The following CCBE1 variants were observed in gnomAD, a reference collection of about 807,000 sequenced individuals.
CCBE1 encodes collagen and calcium-binding EGF domain-containing protein 1.
Under a neutral mutation model 50.0 loss-of-function variants are expected in CCBE1, and 37 were observed. The ratio of observed to expected loss-of-function variants is 0.74; its 90% CI spans 0.57 to 0.97. CCBE1 has a LOEUF of 0.97. Ranked by LOEUF, CCBE1 falls within the 50% of genes least tolerant of loss-of-function variation. CCBE1 has a pLI of 0.00. For synonymous variants in CCBE1, 234 were observed against 203.7 expected (o/e 1.15, Z -1.27); for missense variants, 538 against 523.8 (o/e 1.03, Z -0.26).
intron 2 of CCBE1, among the ~76,000 whole-genome samples, chr18:59,571,628 AAAAC>A (rs1343083201): frequency 6.6e-6 from 1 of 152,222 alleles, no homozygotes; most frequent in African/African-American, 2.4e-5. Context: ...GTATCATTAA[AAAAC>A]AAAATCTATC....
intron 2 of CCBE1, among the ~76,000 whole-genome samples, chr18:59,527,641 T>G (rs1914880064): frequency 6.6e-6 from 1 of 152,342 alleles, no homozygotes; most frequent in East Asian, 1.9e-4. Context: ...TTTCCATATT[T>G]AATGCATCCT....
intron 2 of CCBE1, among the ~76,000 whole-genome samples, chr18:59,565,418 G>A (rs553512988): frequency 2.0e-5 from 3 of 152,292 alleles, no homozygotes; most frequent in South Asian, 2.1e-4. Flanking sequence ...GATGTGGTAC[G>A]AGGTAGACAA....
chr18:59,638,320 T>C (rs1032406731), intron 2 of CCBE1, among the ~76,000 whole-genome samples: 8 of 152,308 alleles, frequency 5.3e-5, no homozygotes, highest in South Asian at 2.1e-4. Flanking sequence ...TATGGTGAAA[T>C]GTCTAAAGCG....
intron 2 of CCBE1, among the ~76,000 whole-genome samples, chr18:59,517,900 A>G (rs77593386): frequency 0.017 from 2,532 of 152,288 alleles, 90 homozygotes; most frequent in African/African-American, 0.058. Flanking sequence ...CCAAGATCAA[A>G]AGAGGGATCT....
intron 1 of CCBE1, 56 bp from the exon 2 acceptor site, chr18:59,696,765 AGC>A: frequency 1.9e-6 from 3 of 1,580,288 alleles, no homozygotes; most frequent in Non-Finnish European, 2.6e-6. Flanking sequence ...GGAGGCGGGC[AGC>A]GCGCGCTGGG....
At chr18:59,690,946 T>A (rs1174577874) in intron 2 of CCBE1, among the ~76,000 whole-genome samples, 1 of 152,220 alleles carries the variant, frequency 6.6e-6, no homozygotes, top group Admixed American at 6.5e-5. Flanking sequence ...GCTGCCAGAA[T>A]CTAGCACCTG....
chr18:59,693,864 C>CTTTTTTTTTTTTTTTTTT lies in CCBE1; in HGVS notation c.212+2747_212+2764dup, dbSNP rs11410421. Reference sequence around the variant, plus strand: ...AGAATATTTCTTGTTAAAGGAAAGCCTTTTTTTTTTTTTTTTTTTTTTTTT... The same window carrying CTTTTTTTTTTTTTTTTTT: ...AGAATATTTCTTGTTAAAGGAAAGCCTTTTTTTTTTTTTTTTTTTTTTTTTTTTTTTTTTTTTTTTTTT... On this transcript the variant is annotated intron_variant, in intron 2 of 10. Coordinates refer to ENST00000439986, the MANE Select transcript of CCBE1 (RefSeq NM_133459.4). Among the ~76,000 whole-genome samples the CTTTTTTTTTTTTTTTTTT allele has an allele frequency of 1.7e-4, 12 of 70,734 alleles. 3 individuals are homozygous for CTTTTTTTTTTTTTTTTTT. The highest frequency in any genetic ancestry group is 5.6e-4 in the African/African-American group (9 of 15,996). The allele number at this position is 70,734 out of a possible 152,430, so 46.4% of individuals were successfully genotyped here. A position where few individuals can be genotyped will look rare whatever the true frequency, so the allele number is the denominator to read the frequency against.
At chr18:59,668,159 T>C (rs553554744) in intron 2 of CCBE1, among the ~76,000 whole-genome samples, 21 of 152,132 alleles carry the variant, frequency 1.4e-4, no homozygotes, top group African/African-American at 4.3e-4. Context: ...GTGGCTCATG[T>C]CTGTAATCCC....
At position 59,680,364 on chromosome 18, in the gene CCBE1, G is replaced by A. The variant is rs571293075; in HGVS notation, c.212+16265C>T. Among the ~76,000 whole-genome samples, 5 of 152,128 alleles carry A rather than the reference G, an allele frequency of 3.3e-5. No homozygotes were observed. The South Asian group carries it at 6.2e-4, about 19-fold the overall frequency. On this transcript the variant is annotated intron_variant, in intron 2 of 10. Transcript: ENST00000439986. Reference sequence around the variant, plus strand: ...GTTTGACTTTTCCCTTTAGTTTAGCGATTTGGGGGGCCCAAGATATTTTCC... The same window carrying A: ...GTTTGACTTTTCCCTTTAGTTTAGCAATTTGGGGGGCCCAAGATATTTTCC...
chr18:59,464,866 G>T (rs1170382242), intron 5 of CCBE1: 2 of 152,286 alleles, frequency 1.3e-5, no homozygotes, highest in African/African-American at 2.4e-5. Context: ...TTTCATCTCT[G>T]CATTTCTGGC....
intron 2 of CCBE1, among the ~76,000 whole-genome samples, chr18:59,490,232 G>T (rs1913032418): frequency 6.6e-6 from 1 of 152,032 alleles, no homozygotes; most frequent in Admixed American, 6.5e-5. Flanking sequence ...TGATCTGCCT[G>T]CCTCGGCCTC....
chr18:59,691,662 C>T (rs2144750944), intron 2 of CCBE1, among the ~76,000 whole-genome samples: 1 of 152,328 alleles, frequency 6.6e-6, no homozygotes, highest in South Asian at 2.1e-4. Flanking sequence ...CCTTGGCCTC[C>T]CAAAGTGCTG....
intron 2 of CCBE1, among the ~76,000 whole-genome samples, chr18:59,634,026 G>A (rs1468152970): frequency 6.6e-6 from 1 of 152,186 alleles, no homozygotes; most frequent in Non-Finnish European, 1.5e-5. Flanking sequence ...AGGAAGAAGT[G>A]AAGGACTTCT....
chr18:59,665,326 G>C (rs983495319), intron 2 of CCBE1, among the ~76,000 whole-genome samples: 4 of 152,172 alleles, frequency 2.6e-5, no homozygotes, highest in Admixed American at 6.5e-5. Context: ...ATTGACTTCA[G>C]CTCTGTTCAT....
At chr18:59,679,829 T>A (rs1295446122) in intron 2 of CCBE1, among the ~76,000 whole-genome samples, 1 of 152,130 alleles carries the variant, frequency 6.6e-6, no homozygotes, top group Non-Finnish European at 1.5e-5. Context: ...AACCGACATA[T>A]GTAAGATGAA....
At chr18:59,568,314 G>C (rs1467881505) in intron 2 of CCBE1, 1 of 152,168 alleles carries the variant, frequency 6.6e-6, no homozygotes, top group Non-Finnish European at 1.5e-5. Context: ...CACAGACCGT[G>C]TAAATGGACA....
chr18:59,573,309 A>ATATATATATATC (rs2052945950), intron 2 of CCBE1, among the ~76,000 whole-genome samples: 1 of 142,362 alleles, frequency 7.0e-6, no homozygotes, highest in Non-Finnish European at 1.5e-5. Context: ...ATATGTATGT[A>ATATATATATATC]TGTGATAGGC....
intron 2 of CCBE1, among the ~76,000 whole-genome samples, chr18:59,531,221 C>G (rs543464711): frequency 1.3e-5 from 2 of 151,944 alleles, no homozygotes; most frequent in Admixed American, 1.3e-4. Context: ...TGAGAACTCC[C>G]AACATTGAGA....
At chr18:59,656,374 T>C (rs544388358) in intron 2 of CCBE1, among the ~76,000 whole-genome samples, 1 of 152,242 alleles carries the variant, frequency 6.6e-6, no homozygotes, top group Non-Finnish European at 1.5e-5. Flanking sequence ...CTTATTTCAC[T>C]GCAGAACATG....
Sources: gnomAD v4.1 joint callset for allele counts (sites outside exome capture counted in the v4.1 genomes callset) on GRCh38, gnomAD v4.1.1 for gene constraint, MANE v1.5 for transcripts, NCBI Gene and HGNC (gene_info 2026-07-23, HGNC 2026-07-21) for gene names.